CELF2: variants seen among roughly 807,000 people sequenced by gnomAD.
CELF2 encodes CUG triplet repeat RNA-binding protein 2.
Under a neutral mutation model 62.6 loss-of-function variants are expected in CELF2, and 8 were observed. The observed-to-expected ratio is 0.13, with a 90% CI of 0.07 to 0.23. The LOEUF (loss-of-function observed/expected upper bound fraction) is 0.23, where lower values mean the gene tolerates loss of function less well. Ranked by LOEUF, CELF2 falls within the 10% of genes least tolerant of loss-of-function variation. CELF2 has a pLI of 1.00. For synonymous variants in CELF2, 258 were observed against 250.0 expected (o/e 1.03, Z -0.30); for missense variants, 333 against 671.0 (o/e 0.50, Z 5.56).
intron 1 of CELF2, among the ~76,000 whole-genome samples, chr10:10,848,172 A>G (rs2059134826): frequency 6.6e-6 from 1 of 152,216 alleles, no homozygotes; most frequent in African/African-American, 2.4e-5. Context: ...GGCCTTTTAA[A>G]CAAGTACATT....
chr10:11,063,025 C>T (rs533383850), intron 1 of CELF2, among the ~76,000 whole-genome samples: 11 of 152,226 alleles, frequency 7.2e-5, no homozygotes, highest in South Asian at 2.1e-4. Context: ...AAGACTCAAA[C>T]GATAGTTAGC....
intron 4 of CELF2, among the ~76,000 whole-genome samples, chr10:11,257,169 A>C (rs1169144958): frequency 1.3e-5 from 2 of 152,082 alleles, no homozygotes. Flanking sequence ...CTGATCTCTT[A>C]TTCTTGTCTA....
the CELF2 span, among the ~76,000 whole-genome samples, chr10:10,571,280 G>A: frequency 3.9e-5 from 6 of 152,162 alleles, no homozygotes; most frequent in African/African-American, 1.4e-4. Context: ...AAATCTATTA[G>A]TAAAGAACGT....
chr10:10,788,074 G>A, the CELF2 span, among the ~76,000 whole-genome samples: 2 of 152,118 alleles, frequency 1.3e-5, no homozygotes, highest in Non-Finnish European at 2.9e-5. Flanking sequence ...TGCTGAAAAT[G>A]AGGCCAAAAA....
intron 1 of CELF2, among the ~76,000 whole-genome samples, chr10:11,020,169 G>A (rs1334231505): frequency 6.6e-6 from 1 of 152,158 alleles, no homozygotes; most frequent in Non-Finnish European, 1.5e-5. Flanking sequence ...ATCCTAACGT[G>A]ACTTCCACCT....
intron 1 of CELF2, among the ~76,000 whole-genome samples, chr10:11,041,000 T>C (rs978179016): frequency 1.3e-5 from 2 of 152,196 alleles, no homozygotes; most frequent in South Asian, 4.1e-4. Flanking sequence ...CTTAAACAAC[T>C]AATGTTTATT....
the CELF2 span, among the ~76,000 whole-genome samples, chr10:10,558,794 T>G: frequency 4.6e-5 from 7 of 152,178 alleles, no homozygotes; most frequent in African/African-American, 1.7e-4. Flanking sequence ...AATTTATCCA[T>G]TTCTTCTAGA....
chr10:10,673,759 G>A, the CELF2 span, among the ~76,000 whole-genome samples: 1 of 152,052 alleles, frequency 6.6e-6, no homozygotes, highest in African/African-American at 2.4e-5. Flanking sequence ...GGCTCAAAAT[G>A]TTTTTTAAAT....
chr10:11,178,400 A>G lies in CELF2; in HGVS notation c.271+12718A>G, dbSNP rs2072028010. ...AACACGGGGCCCTTCCACCAGGCCC[A>G]CTCCCTGCAAAGGAAGTGCTTCCGA... On this transcript the variant is annotated intron_variant, in intron 2 of 12. Transcript: ENST00000633077. The surrounding 1 kb of genome is among the most constrained non-coding windows in gnomAD (Gnocchi z 4.3). 6.6e-6 allele frequency among the ~76,000 whole-genome samples: 1 copy of G among 152,142 alleles called. No homozygotes were observed. The highest frequency in any genetic ancestry group is 2.1e-4 in the South Asian group (1 of 4,832).
the CELF2 span, among the ~76,000 whole-genome samples, chr10:10,658,080 G>A: frequency 3.9e-5 from 6 of 152,232 alleles, no homozygotes; most frequent in East Asian, 1.9e-4. Context: ...CCCATAAAAC[G>A]TCAAAGCTTG....
the CELF2 span, among the ~76,000 whole-genome samples, chr10:10,641,845 A>C: frequency 2.0e-5 from 3 of 152,240 alleles, no homozygotes; most frequent in South Asian, 6.2e-4. Flanking sequence ...GACAAAAATA[A>C]ATACGAAAAT....
At chr10:10,470,828 G>A in the CELF2 span, among the ~76,000 whole-genome samples, 1 of 150,748 alleles carries the variant, frequency 6.6e-6, no homozygotes, top group Admixed American at 6.7e-5. Flanking sequence ...AGGGATTAAA[G>A]CATGGACAGC....
At chr10:11,086,576 G>GT (rs2046793283) in intron 1 of CELF2, among the ~76,000 whole-genome samples, 2 of 36,258 alleles carry the variant, frequency 5.5e-5, no homozygotes, top group Admixed American at 5.3e-4. Flanking sequence ...ATTTGCATTT[G>GT]TTAAAAAAAA....
upstream of CELF2, among the ~76,000 whole-genome samples, chr10:11,014,755 T>A (rs2056998515): frequency 6.6e-6 from 1 of 152,178 alleles, no homozygotes; most frequent in African/African-American, 2.4e-5. Context: ...GAAGGCCTCA[T>A]ATAAAATGAG....
chr10:11,254,505 G>A (rs1338998934), intron 4 of CELF2, among the ~76,000 whole-genome samples: 1 of 152,198 alleles, frequency 6.6e-6, no homozygotes, highest in Non-Finnish European at 1.5e-5. Flanking sequence ...TTGAGTGATG[G>A]CTAGGAAGTC....
chr10:10,925,397 C>A (rs1175662485), intron 2 of CELF2, among the ~76,000 whole-genome samples: 1 of 151,898 alleles, frequency 6.6e-6, no homozygotes, highest in African/African-American at 2.4e-5. Flanking sequence ...ACAGCATGCA[C>A]TAAGTATATG....
intron 1 of CELF2, among the ~76,000 whole-genome samples, chr10:10,814,058 G>A (rs1162648929): frequency 1.3e-5 from 2 of 152,022 alleles, no homozygotes; most frequent in African/African-American, 2.4e-5. Flanking sequence ...TGCACACTTT[G>A]TCTTTTAAGG....
At chr10:11,233,921 A>C (rs1371090906) in intron 3 of CELF2, among the ~76,000 whole-genome samples, 1 of 152,216 alleles carries the variant, frequency 6.6e-6, no homozygotes, top group Non-Finnish European at 1.5e-5. Flanking sequence ...GGTGTGCCAG[A>C]GTTGTACATC....
intron 2 of CELF2, among the ~76,000 whole-genome samples, chr10:10,996,109 T>A (rs1174726966): frequency 6.6e-6 from 1 of 152,210 alleles, no homozygotes; most frequent in African/African-American, 2.4e-5. Context: ...TTTTTTATAA[T>A]TTTTTTGGAG....
Sources: allele counts gnomAD v4.1 joint callset (sites outside exome capture counted in the v4.1 genomes callset), GRCh38; gene constraint gnomAD v4.1.1; non-coding constraint Gnocchi (gnomAD v3.1); transcripts MANE v1.5; gene names NCBI Gene and HGNC (gene_info 2026-07-23, HGNC 2026-07-21).